The following FARSB variants were observed in gnomAD, a reference collection of about 807,000 sequenced individuals.
FARSB encodes the protein phenylalanyl-tRNA synthetase subunit beta.
A neutral mutation model predicts 69.6 loss-of-function variants in FARSB; 40 were observed. The ratio of observed to expected loss-of-function variants is 0.57; its 90% CI spans 0.45 to 0.75. FARSB has a LOEUF of 0.75. Ranked by LOEUF, FARSB falls within the 30% of genes least tolerant of loss-of-function variation. The pLI is 0.00. For synonymous variants in FARSB, 235 were observed against 247.2 expected, an observed-to-expected ratio of 0.95 and a Z score of 0.46; for missense variants, 632 against 722.9, an observed-to-expected ratio of 0.87 and a Z score of 1.44.
intron 16 of FARSB, among the ~76,000 whole-genome samples, chr2:222,588,208 A>G (rs1273723101): frequency 6.6e-6 from 1 of 152,232 alleles, no homozygotes; most frequent in East Asian, 1.9e-4. Flanking sequence ...GGTTCAACAT[A>G]TGCAAATCAA....
chr2:222,646,387 A>G (rs1201079997), intron 2 of FARSB, among the ~76,000 whole-genome samples: 2 of 152,164 alleles, frequency 1.3e-5, no homozygotes, highest in Admixed American at 6.5e-5. Flanking sequence ...CAGTTTTTCT[A>G]TCTTCTGAGA....
intron 2 of FARSB, 64 bp downstream of exon 2, chr2:222,648,676 A>G (rs917785139): frequency 1.8e-5 from 18 of 987,226 alleles, no homozygotes; most frequent in Non-Finnish European, 2.6e-5. Context: ...GAAATACAGT[A>G]TAACCCTGAA....
At chr2:222,618,924 T>C (rs937576520) in intron 14 of FARSB, among the ~76,000 whole-genome samples, 11 of 152,044 alleles carry the variant, frequency 7.2e-5, no homozygotes, top group Middle Eastern at 3.4e-3. Flanking sequence ...GCGGATCACT[T>C]GAGATCAGGA....
intron 14 of FARSB, among the ~76,000 whole-genome samples, chr2:222,618,875 G>A (rs918701788): frequency 6.6e-6 from 1 of 152,146 alleles, no homozygotes; most frequent in Non-Finnish European, 1.5e-5. Context: ...AGGTGCTCAT[G>A]CCTGTAATCC....
intron 8 of FARSB, 25 bp from the exon 9 acceptor site, chr2:222,630,199 TAGTA>T: frequency 2.6e-6 from 3 of 1,174,610 alleles, no homozygotes; most frequent in Non-Finnish European, 3.7e-6. Flanking sequence ...AAAACAAATA[TAGTA>T]ATCTATAAAT....
At chr2:222,599,869 CA>C in intron 16 of FARSB, 58 bp downstream of exon 16, 1 of 1,341,854 alleles carries the variant, frequency 7.5e-7, no homozygotes, top group Non-Finnish European at 9.9e-7. Context: ...TCATCAAAAA[CA>C]AGGTGTAGCC....
chr2:222,637,476 A>T (rs2106233602), intron 5 of FARSB, among the ~76,000 whole-genome samples: 1 of 152,344 alleles, frequency 6.6e-6, no homozygotes, highest in East Asian at 1.9e-4. Flanking sequence ...TGCAGCTGAG[A>T]AAACTACCCA....
At chr2:222,655,889 G>C (rs1186181615) in intron 1 of FARSB, 127 bp downstream of exon 1, 3 of 737,944 alleles carry the variant, frequency 4.1e-6, no homozygotes, top group Non-Finnish European at 7.1e-6. Flanking sequence ...CGGCCTTCCC[G>C]CGTAAACCCC....
chr2:222,630,219 C>A, intron 8 of FARSB, 45 bp from the exon 9 acceptor site: 1 of 949,190 alleles, frequency 1.1e-6, no homozygotes, highest in African/African-American at 1.7e-5. Flanking sequence ...TAAATATATT[C>A]TCTTCACTCA....
At chr2:222,611,621 G>T (rs932732475) in intron 15 of FARSB, among the ~76,000 whole-genome samples, 1 of 152,134 alleles carries the variant, frequency 6.6e-6, no homozygotes, top group African/African-American at 2.4e-5. Context: ...CCACCTAGGT[G>T]ATTTGTTAGA....
chr2:222,639,443 G>A, intron 5 of FARSB, 137 bp downstream of exon 5: 2 of 448,338 alleles, frequency 4.5e-6, no homozygotes, highest in Non-Finnish European at 8.1e-6. Context: ...AAAATCTGCA[G>A]AGGAAGAAAG....
In FARSB at chr2:222,571,222, T is replaced by A. The variant is rs1689710360; in HGVS notation, c.*649A>T. ...ATTTTAACTCTTACAGCAGAACAGA[T>A]CTTTGTTGCATGTACTCTATCTTAG... On this transcript the variant is annotated 3_prime_UTR_variant, in exon 17 of 17. Coordinates refer to ENST00000281828, the MANE Select transcript of FARSB (RefSeq NM_005687.5). The A allele has an allele frequency of 6.6e-6, 1 of 152,334 alleles. No homozygotes were observed. The highest frequency in any genetic ancestry group is 1.9e-4 in the East Asian group (1 of 5,188). The allele number at this position is 152,334 out of a possible 1,614,324, so 9.4% of individuals were successfully genotyped here.
At chr2:222,586,783 G>A (rs907210420) in intron 16 of FARSB, among the ~76,000 whole-genome samples, 3 of 152,138 alleles carry the variant, frequency 2.0e-5, no homozygotes, top group Non-Finnish European at 4.4e-5. Context: ...ATGGTAAAGG[G>A]ATCAATTCAA....
chr2:222,605,195 G>C (rs368416177), intron 15 of FARSB, among the ~76,000 whole-genome samples: 3,110 of 40,638 alleles, frequency 0.077, 45 homozygotes, highest in Non-Finnish European at 0.1. Flanking sequence ...CTCTCTCTCT[G>C]TGTCTCCCTT....
intron 16 of FARSB, among the ~76,000 whole-genome samples, chr2:222,597,678 T>C (rs1436538749): frequency 1.4e-4 from 21 of 152,176 alleles, no homozygotes; most frequent in Admixed American, 1.4e-3. Context: ...CTGTGGCTTC[T>C]ATCTTCTTAA....
chr2:222,589,652 T>C (rs1559192819), intron 16 of FARSB, among the ~76,000 whole-genome samples: 1 of 151,872 alleles, frequency 6.6e-6, no homozygotes, highest in East Asian at 1.9e-4. Flanking sequence ...ACAAAGAACT[T>C]AAACAAATTT....
At chr2:222,653,043 T>C (rs184307795) in intron 1 of FARSB, among the ~76,000 whole-genome samples, 59 of 152,264 alleles carry the variant, frequency 3.9e-4, no homozygotes, top group Admixed American at 1.8e-3. Context: ...GTGTATATGA[T>C]ATACACAGAA....
At chr2:222,654,608 C>A (rs1246524737) in intron 1 of FARSB, among the ~76,000 whole-genome samples, 1 of 151,942 alleles carries the variant, frequency 6.6e-6, no homozygotes, top group South Asian at 2.1e-4. Context: ...AGCGATTAGG[C>A]GATTAGAGCC....
intron 15 of FARSB, among the ~76,000 whole-genome samples, chr2:222,605,491 T>G (rs1690683000): frequency 6.6e-6 from 1 of 152,228 alleles, no homozygotes; most frequent in African/African-American, 2.4e-5. Context: ...CCAAGTACTT[T>G]TTTCCTGATT....
Sources: gnomAD v4.1 joint callset for allele counts (sites outside exome capture counted in the v4.1 genomes callset) on GRCh38, gnomAD v4.1.1 for gene constraint, MANE v1.5 for transcripts, NCBI Gene and HGNC (gene_info 2026-07-23, HGNC 2026-07-21) for gene names.